Variants in AFAP1L1 observed in about 807,000 individuals in gnomAD.
AFAP1L1 encodes the protein actin filament associated protein 1 like 1, also known as actin filament-associated protein 1-like 1.
In AFAP1L1, 77 loss-of-function variants were observed where a neutral mutation model predicts 99.8. The ratio of observed to expected loss-of-function variants is 0.77; its 90% CI spans 0.64 to 0.93. AFAP1L1 has a LOEUF of 0.93. Among genes scored for constraint, AFAP1L1 ranks in the 40% least tolerant of loss-of-function variants. AFAP1L1 has a pLI of 0.00. For synonymous variants in AFAP1L1, 373 were observed against 395.3 expected (o/e 0.94, Z 0.67); for missense variants, 893 against 996.8 (o/e 0.90, Z 1.40).
rs1249826202 is a variant in AFAP1L1 at position 149,342,910 on chromosome 5, A to G, written c.*2880A>G. 3.5e-5 allele frequency among the ~76,000 whole-genome samples: 1 copy of G among 28,808 alleles called. No homozygotes were observed. Among genetic ancestry groups the G allele is most frequent in the African/African-American group, 3.4e-4 (1 of 2,978 alleles). The allele number at this position is 28,808 out of a possible 152,430, so 18.9% of individuals were successfully genotyped here. A position where few individuals can be genotyped will look rare whatever the true frequency, so the allele number is the denominator to read the frequency against. ...CTGGGCAATAGCAAGACTCCATCTCAAAAAAAAAAAAATGCCTTATTTGGT... is the reference window on the plus strand; with the variant it reads ...CTGGGCAATAGCAAGACTCCATCTCGAAAAAAAAAAAATGCCTTATTTGGT... On this transcript the variant is annotated 3_prime_UTR_variant, in exon 19 of 19. Transcript: ENST00000296721.
At chr5:149,284,354 C>A (rs1755613959) in intron 1 of AFAP1L1, among the ~76,000 whole-genome samples, 1 of 152,178 alleles carries the variant, frequency 6.6e-6, no homozygotes, top group South Asian at 2.1e-4. Context: ...CCTGGCTCTA[C>A]TCCTTTTGTT....
intron 5 of AFAP1L1, chr5:149,304,274 A>G (rs1450267806): frequency 6.6e-6 from 1 of 152,216 alleles, no homozygotes; most frequent in African/African-American, 2.4e-5. Context: ...TCCTCAGCTG[A>G]TGGACCTTGG....
chr5:149,291,328 A>T (rs1755846689), intron 1 of AFAP1L1, among the ~76,000 whole-genome samples: 1 of 151,908 alleles, frequency 6.6e-6, no homozygotes, highest in Admixed American at 6.6e-5. Context: ...ACAGACCGAC[A>T]CCATCCTGGC....
At chr5:149,327,433 A>G (rs890287559) in intron 15 of AFAP1L1, among the ~76,000 whole-genome samples, 2 of 152,138 alleles carry the variant, frequency 1.3e-5, no homozygotes, top group African/African-American at 4.8e-5. Context: ...GTACTACACT[A>G]CACTAGACTG....
At chr5:149,321,455 C>T (rs1313230385) in intron 14 of AFAP1L1, among the ~76,000 whole-genome samples, 1 of 151,988 alleles carries the variant, frequency 6.6e-6, no homozygotes, top group Admixed American at 6.6e-5. Flanking sequence ...GTCTGGGTGC[C>T]GTGGCTCATG....
chr5:149,323,159 T>TAG (rs549144721), intron 15 of AFAP1L1, among the ~76,000 whole-genome samples: 2 of 151,988 alleles, frequency 1.3e-5, no homozygotes, highest in Non-Finnish European at 2.9e-5. Flanking sequence ...TGAGGCCAAA[T>TAG]AGAGAGAGAG....
At chr5:149,309,875 C>CT in intron 7 of AFAP1L1, 81 bp from the exon 8 acceptor site, 8 of 1,583,916 alleles carry the variant, frequency 5.1e-6, no homozygotes, top group Middle Eastern at 1.7e-4. Flanking sequence ...GGTCGGGCTT[C>CT]CCCCGAGCCT....
In AFAP1L1 at chr5:149,271,864, G is replaced by A. The variant is rs375581729; in HGVS notation, c.-105G>A. 144 of 906,056 alleles carry A rather than the reference G, an allele frequency of 1.6e-4. No individual in the cohort carries two copies. The East Asian group carries it at 2.2e-3, about 14-fold the overall frequency. 56.1% of individuals were successfully genotyped at this position (906,056 alleles called of 1,614,324 possible). On this transcript the variant is annotated 5_prime_UTR_variant, in exon 1 of 19. Coordinates refer to ENST00000296721, the MANE Select transcript of AFAP1L1 (RefSeq NM_152406.4). Reference sequence around the variant, plus strand: ...TGTCTGGGGGAGGGGACCGCAGAGAGCGCCGGCCGCTGGGCTGGCCTGAGA... The same window carrying A: ...TGTCTGGGGGAGGGGACCGCAGAGAACGCCGGCCGCTGGGCTGGCCTGAGA...
intron 1 of AFAP1L1, among the ~76,000 whole-genome samples, chr5:149,290,380 G>A (rs1581298318): frequency 1.3e-5 from 2 of 152,350 alleles, no homozygotes; most frequent in East Asian, 3.9e-4. Context: ...ATTCACATGT[G>A]TCGGGGCCTG....
intron 9 of AFAP1L1, among the ~76,000 whole-genome samples, chr5:149,315,211 TGTGTGTGG>T (rs1011885176): frequency 6.6e-6 from 1 of 152,112 alleles, no homozygotes; most frequent in Non-Finnish European, 1.5e-5. Flanking sequence ...GTTGACATGT[TGTGTGTGG>T]GTGTGTGGGT....
chr5:149,273,919 GAC>G (rs1345238904), intron 1 of AFAP1L1, among the ~76,000 whole-genome samples: 1 of 152,060 alleles, frequency 6.6e-6, no homozygotes, highest in Non-Finnish European at 1.5e-5. Context: ...GTCATCCTAA[GAC>G]AGAGTGACAA....
chr5:149,327,065 G>A (rs959299652), intron 15 of AFAP1L1, among the ~76,000 whole-genome samples: 3 of 136,474 alleles, frequency 2.2e-5, no homozygotes, highest in South Asian at 4.8e-4. Flanking sequence ...TGAAGAAGCA[G>A]GAAAATGTGA....
intron 5 of AFAP1L1, 85 bp from the exon 6 acceptor site, chr5:149,306,221 C>G: frequency 8.8e-7 from 1 of 1,140,642 alleles, no homozygotes; most frequent in Non-Finnish European, 1.3e-6. Context: ...TGAGGTGGAG[C>G]AGGGGTGTCA....
Position 149,335,617 on chromosome 5 carries a change from C to T in AFAP1L1, c.2178C>T (p.Asn726=). Residue 726 remains asparagine, a synonymous_variant, in exon 18 of 19, where the codon AAC becomes AAT. Transcript: ENST00000296721. ...AGGAAACTGCAAATAAACCCCAGAA[C>T]AGCGTTCCAGAGCAACCTCTCCCTG... ...KSGETANKPQ[N]SVPEQPLPVN... 1.2e-6 allele frequency: 2 copies of T among 1,612,554 alleles called. No homozygotes were observed. The highest frequency in any genetic ancestry group is 1.7e-6 in the Non-Finnish European group (2 of 1,180,004).
At chr5:149,304,045 C>T (rs1243337348) in intron 5 of AFAP1L1, among the ~76,000 whole-genome samples, 1 of 152,240 alleles carries the variant, frequency 6.6e-6, no homozygotes. Flanking sequence ...CCACCCCAGC[C>T]CCTGCTAACC....
At chr5:149,300,048 G>C (rs982877778) in intron 2 of AFAP1L1, among the ~76,000 whole-genome samples, 1 of 152,196 alleles carries the variant, frequency 6.6e-6, no homozygotes, top group Non-Finnish European at 1.5e-5. Context: ...CCAGTAATCT[G>C]TTTCCATACT....
rs746717306 is a variant in AFAP1L1, at chr5:149,322,663, A to C, written c.1756A>C (p.Ser586Arg). 2 of 1,595,758 alleles carry C rather than the reference A, an allele frequency of 1.3e-6. No homozygotes were observed. The highest frequency in any genetic ancestry group is 2.3e-5 in the East Asian group (1 of 44,226). The change falls in exon 15 of 19, where the codon AGT (serine) becomes CGT (arginine). Residue 586 changes from serine (S) to arginine (R), a missense_variant. Transcript: ENST00000296721. Reference sequence around the variant, plus strand: ...GGTGAAGCGTCACGCCTCCTCCTGCAGTGAGAAGTCCCATCGTGTGGACCC... The same window carrying C: ...GGTGAAGCGTCACGCCTCCTCCTGCCGTGAGAAGTCCCATCGTGTGGACCC... Reference protein sequence around the residue: ...AQVKRHASSCSEKSHRVDPQV... With the variant: ...AQVKRHASSCREKSHRVDPQV...
chr5:149,320,532 C>G lies in AFAP1L1; in HGVS notation c.1698+69C>G, dbSNP rs1458444738. The G allele has an allele frequency of 1.2e-5, 17 of 1,388,546 alleles. No homozygotes were observed. The highest frequency in any genetic ancestry group is 1.7e-5 in the Non-Finnish European group (17 of 979,636). The allele number at this position is 1,388,546 out of a possible 1,614,324, so 86.0% of individuals were successfully genotyped here. Reference sequence around the variant, plus strand: ...TATTAGCTCTCCCTCTTTCTGCTCCCTTTACCTTCTGCCTCAGAAAGATCA... The same window carrying G: ...TATTAGCTCTCCCTCTTTCTGCTCCGTTTACCTTCTGCCTCAGAAAGATCA... On this transcript the variant is annotated intron_variant, in intron 14 of 18. Coordinates refer to ENST00000296721, the MANE Select transcript of AFAP1L1 (RefSeq NM_152406.4). The surrounding 1 kb of genome is among the most constrained non-coding windows in gnomAD (Gnocchi z 4.0).
Position 149,335,624 on chromosome 5 carries a change from C to T in AFAP1L1, c.2185C>T (p.Pro729Ser). ...TGCAAATAAACCCCAGAACAGCGTT[C>T]CAGAGCAACCTCTCCCTGTCAACTG... ...ETANKPQNSV[P>S]EQPLPVNCVS... The change falls in exon 18 of 19, where the codon CCA becomes TCA. Residue 729 changes from proline (P) to serine (S), a missense_variant. Coordinates refer to ENST00000296721, the MANE Select transcript of AFAP1L1 (RefSeq NM_152406.4). 1 of 1,612,734 alleles carries T rather than the reference C, an allele frequency of 6.2e-7. No homozygotes were observed. Among genetic ancestry groups the T allele is most frequent in the Non-Finnish European group, 8.5e-7 (1 of 1,180,016 alleles).
Sources: allele counts gnomAD v4.1 joint callset (sites outside exome capture counted in the v4.1 genomes callset), GRCh38; gene constraint gnomAD v4.1.1; non-coding constraint Gnocchi (gnomAD v3.1); transcripts MANE v1.5; gene names NCBI Gene and HGNC (gene_info 2026-07-23, HGNC 2026-07-21).